Variants in HS3ST3A1 observed in about 807,000 individuals in gnomAD.
The protein encoded by HS3ST3A1 is heparan sulfate-glucosamine 3-sulfotransferase 3A1, also known as heparan sulfate glucosamine 3-O-sulfotransferase 3A1.
In HS3ST3A1, 19 loss-of-function variants were observed where a neutral mutation model predicts 25.7. The observed-to-expected ratio is 0.74, with a 90% CI of 0.52 to 1.08. The LOEUF (loss-of-function observed/expected upper bound fraction) is 1.08, where lower values mean the gene tolerates loss of function less well. Among genes scored for constraint, HS3ST3A1 ranks in the 50% least tolerant of loss-of-function variants. HS3ST3A1 has a pLI of 0.00. For missense variants in HS3ST3A1, 459 were observed against 594.3 expected, an observed-to-expected ratio of 0.77 and a Z score of 2.37; for synonymous variants, 226 against 278.6, an observed-to-expected ratio of 0.81 and a Z score of 1.88.
At chr17:13,522,786 C>G (rs1906287800) in intron 1 of HS3ST3A1, among the ~76,000 whole-genome samples, 1 of 150,714 alleles carries the variant, frequency 6.6e-6, no homozygotes, top group African/African-American at 2.4e-5. Flanking sequence ...TTAATGATAC[C>G]AAAGCTGTTT....
At chr17:13,596,119 G>A (rs1908569051) in intron 1 of HS3ST3A1, among the ~76,000 whole-genome samples, 1 of 152,108 alleles carries the variant, frequency 6.6e-6, no homozygotes, top group Non-Finnish European at 1.5e-5. Flanking sequence ...ACGTAGTGGT[G>A]GATTTTCATG....
Position 13,496,735 on chromosome 17 carries a change from C to A in HS3ST3A1, c.683G>T (p.Arg228Leu), listed in dbSNP as rs769229339. ...GGTGTCCTTGGACATGGCCGAGATG[C>A]GCGCGGGGGCCTCCCGCGTGACGAA... ...SYFVTREAPA[R>L]ISAMSKDTKL... is the part of the protein sequence containing the mutation. The change falls in exon 2 of 2, where the codon CGC (arginine) becomes CTC (leucine). Residue 228 changes from arginine (R) to leucine (L), a missense_variant. Arg to Leu is a moderately radical substitution (Grantham distance 102, BLOSUM62 -2). Coordinates refer to ENST00000284110, the MANE Select transcript of HS3ST3A1 (RefSeq NM_006042.3). 2 of 1,614,138 alleles carry A rather than the reference C, an allele frequency of 1.2e-6. No homozygotes were observed. The highest frequency in any genetic ancestry group is 2.7e-5 in the African/African-American group (2 of 75,042).
At chr17:13,567,517 T>C (rs1222738148) in intron 1 of HS3ST3A1, among the ~76,000 whole-genome samples, 1 of 152,222 alleles carries the variant, frequency 6.6e-6, no homozygotes, top group Non-Finnish European at 1.5e-5. Context: ...CTTGGCAAAG[T>C]AAACTGAAAA....
At chr17:13,553,280 C>T (rs1336151111) in intron 1 of HS3ST3A1, among the ~76,000 whole-genome samples, 2 of 152,148 alleles carry the variant, frequency 1.3e-5, no homozygotes, top group Non-Finnish European at 2.9e-5. Context: ...GCGCTGATGC[C>T]CCAGCAGGTG....
rs34383911 is a variant in HS3ST3A1, at chr17:13,534,547, C to CAAAAAAAAAAAAAAAAAAAA, written c.600-37749_600-37730dup. Among the ~76,000 whole-genome samples the CAAAAAAAAAAAAAAAAAAAA allele has an allele frequency of 6.7e-4, 22 of 32,828 alleles. 3 individuals are homozygous for CAAAAAAAAAAAAAAAAAAAA. The highest frequency in any genetic ancestry group is 1.2e-3 in the Non-Finnish European group (20 of 16,968). 21.5% of individuals were successfully genotyped at this position (32,828 alleles called of 152,430 possible). On this transcript the variant is annotated intron_variant, in intron 1 of 1. Coordinates refer to ENST00000284110, the MANE Select transcript of HS3ST3A1 (RefSeq NM_006042.3). ...GGTGAAACTTCATCTCTACAAAATC[C>CAAAAAAAAAAAAAAAAAAAA]AAAAAAAAAAAAAAAAAAAAAAAAA...
intron 1 of HS3ST3A1, among the ~76,000 whole-genome samples, chr17:13,587,618 T>A (rs1447305196): frequency 6.6e-6 from 1 of 152,080 alleles, no homozygotes; most frequent in African/African-American, 2.4e-5. Context: ...TACTCCTAAA[T>A]GATTCATATG....
intron 1 of HS3ST3A1, among the ~76,000 whole-genome samples, chr17:13,523,555 T>A (rs533302781): frequency 1.3e-5 from 2 of 152,314 alleles, no homozygotes; most frequent in African/African-American, 4.8e-5. Flanking sequence ...TGGATTGCTA[T>A]TGCCCCTGGA....
intron 1 of HS3ST3A1, among the ~76,000 whole-genome samples, chr17:13,570,154 C>G (rs2142372436): frequency 6.6e-6 from 1 of 151,436 alleles, no homozygotes; most frequent in Middle Eastern, 3.5e-3. Context: ...GAGATTCCAG[C>G]TGTTACTCAG....
chr17:13,526,474 T>TATATATA (rs1906425775), intron 1 of HS3ST3A1, among the ~76,000 whole-genome samples: 1,288 of 76,238 alleles, frequency 0.017, 120 homozygotes, highest in Middle Eastern at 0.022. Context: ...ACTTTAATTT[T>TATATATA]TATATATATA....
At position 13,526,575 on chromosome 17, in the gene HS3ST3A1, T is replaced by C. The variant is rs144898694; in HGVS notation, c.600-29757A>G. Among the ~76,000 whole-genome samples the C allele has an allele frequency of 4.6e-3, 684 of 147,444 alleles. 6 individuals are homozygous for C. Among genetic ancestry groups the C allele is most frequent in the African/African-American group, 0.016 (641 of 40,366 alleles). On this transcript the variant is annotated intron_variant, in intron 1 of 1. Transcript: ENST00000284110. ...CAAGGTTAAAAAATATATATTCTCC[T>C]CACCTGAGGATACTAGGCAGATCAG...
chr17:13,499,494 A>G (rs1253533026), intron 1 of HS3ST3A1, among the ~76,000 whole-genome samples: 3 of 151,934 alleles, frequency 2.0e-5, no homozygotes, highest in Admixed American at 1.3e-4. Context: ...TTTTTTCTAT[A>G]TATCTTTGAC....
intron 1 of HS3ST3A1, among the ~76,000 whole-genome samples, chr17:13,589,017 A>T (rs960484407): frequency 6.6e-6 from 1 of 151,356 alleles, no homozygotes. Context: ...TGTTTGAAAA[A>T]CTCACTGGTC....
intron 1 of HS3ST3A1, among the ~76,000 whole-genome samples, chr17:13,580,720 C>T (rs1908088517): frequency 6.6e-6 from 1 of 151,918 alleles, no homozygotes. Context: ...GGAGAAACTC[C>T]ATCTCTACTA....
chr17:13,530,083 A>C (rs1906558882), intron 1 of HS3ST3A1, among the ~76,000 whole-genome samples: 1 of 152,002 alleles, frequency 6.6e-6, no homozygotes. Flanking sequence ...AAGGAGAAAG[A>C]CCAGGGGCTT....
intron 1 of HS3ST3A1, among the ~76,000 whole-genome samples, chr17:13,564,260 G>T (rs1907621135): frequency 6.6e-6 from 1 of 152,208 alleles, no homozygotes; most frequent in Non-Finnish European, 1.5e-5. Flanking sequence ...ATTAAAGGCA[G>T]TAGGGATTTT....
chr17:13,519,444 A>G (rs1374704194), intron 1 of HS3ST3A1, among the ~76,000 whole-genome samples: 1 of 152,154 alleles, frequency 6.6e-6, no homozygotes, highest in Non-Finnish European at 1.5e-5. Flanking sequence ...TGAGATAATG[A>G]TTATGTCTAT....
chr17:13,593,450 T>C (rs966266693), intron 1 of HS3ST3A1, among the ~76,000 whole-genome samples: 9 of 152,182 alleles, frequency 5.9e-5, no homozygotes, highest in African/African-American at 2.2e-4. Context: ...GTCTCTGTGC[T>C]TGGTTCGGAA....
rs111255219 is a variant in HS3ST3A1, at chr17:13,600,959, G to T, written c.171C>A (p.Ser57=). ...QTLSGPVVGL[S]GGGEEAGAPG... Reference sequence around the variant, plus strand: ...GGGCCCCCGCCTCCTCGCCGCCGCCGGACAGCCCCACGACGGGGCCGGACA... The same window carrying T: ...GGGCCCCCGCCTCCTCGCCGCCGCCTGACAGCCCCACGACGGGGCCGGACA... Residue 57 remains serine, a synonymous_variant, in exon 1 of 2, where the codon TCC becomes TCA. Coordinates refer to ENST00000284110, the MANE Select transcript of HS3ST3A1 (RefSeq NM_006042.3). The T allele has an allele frequency of 0.012, 19,277 of 1,543,172 alleles. 547 individuals are homozygous for T. The highest frequency in any genetic ancestry group is 0.1 in the African/African-American group (7,305 of 71,272).
At chr17:13,557,197 G>T (rs7224549) in intron 1 of HS3ST3A1, among the ~76,000 whole-genome samples, 53,297 of 152,070 alleles carry the variant, frequency 0.35, 11,917 homozygotes, top group African/African-American at 0.64. Flanking sequence ...CTGCGATTCC[G>T]CCTCTTTTCC....
Sources: allele counts gnomAD v4.1 joint callset (sites outside exome capture counted in the v4.1 genomes callset), GRCh38; gene constraint gnomAD v4.1.1; transcripts MANE v1.5; gene names NCBI Gene and HGNC (gene_info 2026-07-23, HGNC 2026-07-21).